The following PCDHA2 variants were observed in gnomAD, a reference collection of about 807,000 sequenced individuals.
PCDHA2 encodes the protein protocadherin alpha 2, also known as protocadherin alpha-2.
A neutral mutation model predicts 66.0 loss-of-function variants in PCDHA2; 58 were observed. That is an observed-to-expected ratio of 0.88 (90% CI 0.71 to 1.09). The LOEUF (loss-of-function observed/expected upper bound fraction) is 1.09. Ranked by LOEUF, PCDHA2 falls within the 50% of genes least tolerant of loss-of-function variation. PCDHA2 has a pLI of 0.00. For synonymous variants in PCDHA2, 634 were observed against 554.0 expected, an observed-to-expected ratio of 1.14 and a Z score of -2.03; for missense variants, 1,267 against 1,242.3, an observed-to-expected ratio of 1.02 and a Z score of -0.30.
intron 1 of PCDHA2, among the ~76,000 whole-genome samples, chr5:140,879,240 C>T (rs1266442175): frequency 6.6e-6 from 1 of 152,134 alleles, no homozygotes; most frequent in Non-Finnish European, 1.5e-5. Flanking sequence ...ACAAGAGGCA[C>T]TGGCAAAGTA....
In PCDHA2 at chr5:140,843,411, A is replaced by G. The variant is rs2150359358; in HGVS notation, c.2388+46059A>G. On this transcript the variant is annotated intron_variant, in intron 1 of 3. Transcript: ENST00000526136. The stretch of plus-strand genomic sequence containing the variant: ...CCGGAAGCGGCGCTGGTGGATGTCA[A>G]CGTGTACCTGATCATCGCCATCTGC... 2.5e-5 allele frequency: 40 copies of G among 1,596,006 alleles called. 6 individuals carry two copies. The highest frequency in any genetic ancestry group is 1.1e-4 in the African/African-American group (8 of 74,534).
At chr5:140,836,194 A>T in intron 1 of PCDHA2, 1 of 1,613,794 alleles carries the variant, frequency 6.2e-7, no homozygotes, top group Non-Finnish European at 8.5e-7. Context: ...TCAGGCTACA[A>T]CGCGTGGCTT....
At chr5:140,808,831 C>T in intron 1 of PCDHA2, 2 of 1,612,932 alleles carry the variant, frequency 1.2e-6, no homozygotes, top group Non-Finnish European at 1.7e-6. Context: ...TGGGCAGCAA[C>T]GTGACGCTGC....
intron 1 of PCDHA2, among the ~76,000 whole-genome samples, chr5:140,970,416 G>A (rs536181177): frequency 2.4e-4 from 36 of 152,326 alleles, no homozygotes; most frequent in African/African-American, 8.2e-4. Context: ...CTACAGTAAG[G>A]TGTAGAGGCA....
intron 1 of PCDHA2, among the ~76,000 whole-genome samples, chr5:140,916,805 A>G (rs560427769): frequency 6.6e-6 from 1 of 152,152 alleles, no homozygotes; most frequent in Non-Finnish European, 1.5e-5. Context: ...ATGACTTCCT[A>G]GGTCATGTGC....
chr5:140,896,188 G>C (rs1554186861), intron 1 of PCDHA2, among the ~76,000 whole-genome samples: 1 of 152,132 alleles, frequency 6.6e-6, no homozygotes, highest in Non-Finnish European at 1.5e-5. Context: ...ATTGTGAATA[G>C]TGCCATGATG....
intron 1 of PCDHA2, chr5:140,821,919 G>T: frequency 6.2e-7 from 1 of 1,614,198 alleles, no homozygotes; most frequent in East Asian, 2.2e-5. Flanking sequence ...GCCGCATCGC[G>T]CAGGACCTAG....
intron 1 of PCDHA2, among the ~76,000 whole-genome samples, chr5:140,890,695 A>T (rs1196447488): frequency 6.6e-6 from 1 of 152,200 alleles, no homozygotes; most frequent in Non-Finnish European, 1.5e-5. Context: ...AAATGCAGGG[A>T]CCTTACATTT....
At chr5:140,828,766 T>A (rs2150158702) in intron 1 of PCDHA2, 32 of 1,614,112 alleles carry the variant, frequency 2.0e-5, no homozygotes, top group Non-Finnish European at 2.5e-5. Context: ...TCACAGGCAC[T>A]GTTCAGCTGC....
chr5:140,866,321 C>A (rs1282592787), intron 1 of PCDHA2: 1 of 152,000 alleles, frequency 6.6e-6, no homozygotes, highest in Non-Finnish European at 1.5e-5. Flanking sequence ...TTTCAGGGAC[C>A]CTGAACTTGG....
chr5:140,880,978 T>A lies in PCDHA2; in HGVS notation c.2388+83626T>A, dbSNP rs570855539. Among the ~76,000 whole-genome samples the A allele has an allele frequency of 3.6e-4, 55 of 152,312 alleles. No individual in the cohort carries two copies. The South Asian group carries it at 9.1e-3, about 25-fold the overall frequency. On this transcript the variant is annotated intron_variant, in intron 1 of 3. Coordinates refer to ENST00000526136, the MANE Select transcript of PCDHA2 (RefSeq NM_018905.3). ...ATGAGGGTAAGAGAATACCAAATACTCTGCCTAAATTTTCAGAGGAGAGCA... is the reference window on the plus strand; with the variant it reads ...ATGAGGGTAAGAGAATACCAAATACACTGCCTAAATTTTCAGAGGAGAGCA...
intron 1 of PCDHA2, chr5:140,871,371 G>T: frequency 6.2e-7 from 1 of 1,614,202 alleles, no homozygotes; most frequent in Non-Finnish European, 8.5e-7. Context: ...GGCGGCAGAG[G>T]GTGTGCTCTG....
At chr5:140,921,101 C>A (rs1331761775) in intron 1 of PCDHA2, among the ~76,000 whole-genome samples, 1 of 152,002 alleles carries the variant, frequency 6.6e-6, no homozygotes, top group Non-Finnish European at 1.5e-5. Context: ...CTGCCTCAGT[C>A]TCCTAAGTAG....
chr5:140,902,185 T>TTCTC (rs370111655), intron 1 of PCDHA2, among the ~76,000 whole-genome samples: 1 of 150,794 alleles, frequency 6.6e-6, no homozygotes, highest in African/African-American at 2.4e-5. Context: ...CCTTTATGTC[T>TTCTC]TCTCTCTCTC....
At chr5:140,830,184 T>G in intron 1 of PCDHA2, 4 of 1,613,576 alleles carry the variant, frequency 2.5e-6, no homozygotes, top group South Asian at 2.2e-5. Context: ...GATGTCAACG[T>G]GTACCTGATC....
At chr5:140,830,038 G>A (rs2150180087) in intron 1 of PCDHA2, 1 of 1,613,882 alleles carries the variant, frequency 6.2e-7, no homozygotes, top group Admixed American at 1.7e-5. Flanking sequence ...GGCTGCTGGT[G>A]CTGGTGAAAG....
chr5:140,869,392 G>C (rs372231398), intron 1 of PCDHA2: 24 of 1,614,164 alleles, frequency 1.5e-5, no homozygotes, highest in African/African-American at 1.5e-4. Flanking sequence ...GGAGCTGTGC[G>C]GGCAGAGCGC....
chr5:140,984,960 CAG>C (rs1387655082), intron 3 of PCDHA2, among the ~76,000 whole-genome samples: 2 of 151,386 alleles, frequency 1.3e-5, no homozygotes, highest in African/African-American at 4.9e-5. Context: ...TTTTTTGAGA[CAG>C]AGTCTCGCTC....
chr5:140,953,961 G>C lies in PCDHA2; in HGVS notation c.2389-24988G>C, dbSNP rs140078691. ...CCCATTGCTCCCCCAACAGGCCCCA[G>C]TGTGTGTTGTTCCCCTTCATATTTT... On this transcript the variant is annotated intron_variant, in intron 1 of 3. Coordinates refer to ENST00000526136, the MANE Select transcript of PCDHA2 (RefSeq NM_018905.3). 1.0e-3 allele frequency among the ~76,000 whole-genome samples: 152 copies of C among 152,128 alleles called. 3 individuals are homozygous for C. In the East Asian group the frequency reaches 0.026, roughly 26 times the overall value.
Sources: gnomAD v4.1 joint callset for allele counts (sites outside exome capture counted in the v4.1 genomes callset) on GRCh38, gnomAD v4.1.1 for gene constraint, MANE v1.5 for transcripts, NCBI Gene and HGNC (gene_info 2026-07-23, HGNC 2026-07-21) for gene names.